The following SUMF1 variants were observed in gnomAD, a reference collection of about 807,000 sequenced individuals.
The protein encoded by SUMF1 is formylglycine-generating enzyme.
SUMF1 carries 48 observed loss-of-function variants against 47.6 expected under a neutral mutation model. The observed-to-expected ratio is 1.01, with a 90% CI of 0.80 to 1.28. The LOEUF is 1.28. Ranked by LOEUF, SUMF1 falls within the 50% of genes most tolerant of loss-of-function variation. The pLI is 0.00. For synonymous variants in SUMF1, 230 were observed against 192.1 expected (o/e 1.20, Z -1.63); for missense variants, 571 against 485.4 (o/e 1.18, Z -1.66).
At chr3:4,078,250 T>C (rs966152204) in intron 8 of SUMF1, among the ~76,000 whole-genome samples, 4 of 152,036 alleles carry the variant, frequency 2.6e-5, no homozygotes, top group Admixed American at 1.3e-4. Context: ...CAGATGGAAA[T>C]GGGGCTGGCT....
At chr3:4,089,117 A>C (rs1692731028) in intron 8 of SUMF1, among the ~76,000 whole-genome samples, 1 of 152,118 alleles carries the variant, frequency 6.6e-6, no homozygotes. Context: ...TGAAGTGCAG[A>C]TTATGTATAA....
chr3:4,440,590 AG>A (rs1413366414), intron 3 of SUMF1, among the ~76,000 whole-genome samples: 2 of 152,222 alleles, frequency 1.3e-5, no homozygotes, highest in Non-Finnish European at 2.9e-5. Flanking sequence ...GTCCCAGTCC[AG>A]TGTCATCCAA....
intron 8 of SUMF1, among the ~76,000 whole-genome samples, chr3:4,296,363 T>A (rs7618101): frequency 0.016 from 2,475 of 151,178 alleles, 73 homozygotes; most frequent in African/African-American, 0.057. Flanking sequence ...ATAAAGATCA[T>A]ATAACTTCTA....
chr3:4,097,790 C>T (rs1246826175), intron 8 of SUMF1, among the ~76,000 whole-genome samples: 1 of 152,106 alleles, frequency 6.6e-6, no homozygotes, highest in East Asian at 1.9e-4. Flanking sequence ...AGAGTTCTTT[C>T]AAGAGTACCA....
At chr3:4,339,535 C>G (rs1575110621) in intron 8 of SUMF1, among the ~76,000 whole-genome samples, 1 of 151,872 alleles carries the variant, frequency 6.6e-6, no homozygotes, top group East Asian at 1.9e-4. Flanking sequence ...CGGACAGGGT[C>G]TTTAGATTTC....
At chr3:4,177,672 C>G (rs1157000684) in intron 8 of SUMF1, among the ~76,000 whole-genome samples, 2 of 151,870 alleles carry the variant, frequency 1.3e-5, no homozygotes, top group Non-Finnish European at 2.9e-5. Flanking sequence ...TAGCAGAAGA[C>G]AAGAAATAAC....
Position 4,110,239 on chromosome 3 carries a change from G to T in SUMF1, c.1015-41494C>A, listed in dbSNP as rs190491081. Among the ~76,000 whole-genome samples the T allele has an allele frequency of 9.2e-4, 140 of 152,220 alleles. 1 individual carries two copies. Among genetic ancestry groups the T allele is most frequent in the African/African-American group, 3.0e-3 (126 of 41,502 alleles). On this transcript the variant is annotated intron_variant and NMD_transcript_variant, in intron 8 of 12. Coordinates refer to the SUMF1 transcript ENST00000448413. ...CAGCAGCGGAGGCTGCAGAACAGCGGATATTGGTGAACAGCAGATGTTGCT... is the reference window on the plus strand; with the variant it reads ...CAGCAGCGGAGGCTGCAGAACAGCGTATATTGGTGAACAGCAGATGTTGCT...
At chr3:4,241,926 T>G (rs956742646) in intron 8 of SUMF1, among the ~76,000 whole-genome samples, 10 of 152,148 alleles carry the variant, frequency 6.6e-5, no homozygotes, top group African/African-American at 2.4e-4. Flanking sequence ...ACAGGGAAGT[T>G]GACTACGTCA....
At chr3:4,369,649 G>C (rs1410704041) in intron 8 of SUMF1, among the ~76,000 whole-genome samples, 1 of 152,176 alleles carries the variant, frequency 6.6e-6, no homozygotes, top group Non-Finnish European at 1.5e-5. Context: ...GATCATGGCA[G>C]TGGTCCTCGG....
intron 7 of SUMF1, among the ~76,000 whole-genome samples, chr3:4,389,067 C>A (rs576806121): frequency 6.6e-6 from 1 of 152,028 alleles, no homozygotes; most frequent in Non-Finnish European, 1.5e-5. Context: ...CCTTCCAGTC[C>A]GATATTCAAA....
intron 4 of SUMF1, among the ~76,000 whole-genome samples, chr3:4,419,067 A>G (rs1701809771): frequency 6.6e-6 from 1 of 152,248 alleles, no homozygotes; most frequent in Non-Finnish European, 1.5e-5. Context: ...CACAGACAAC[A>G]GAGGTACTCT....
chr3:4,149,306 C>T (rs917281077), intron 8 of SUMF1, among the ~76,000 whole-genome samples: 2 of 152,048 alleles, frequency 1.3e-5, no homozygotes, highest in African/African-American at 4.8e-5. Context: ...CATTTACAGC[C>T]CCATAATGGA....
intron 8 of SUMF1, among the ~76,000 whole-genome samples, chr3:4,337,650 C>T (rs1699182755): frequency 6.6e-6 from 1 of 152,206 alleles, no homozygotes; most frequent in African/African-American, 2.4e-5. Flanking sequence ...CTTGCCACTA[C>T]ATCAAAGCAT....
At chr3:4,222,006 A>T (rs1010817861) in intron 8 of SUMF1, among the ~76,000 whole-genome samples, 8 of 152,048 alleles carry the variant, frequency 5.3e-5, no homozygotes, top group Admixed American at 1.3e-4. Context: ...ATTGTAAAAA[A>T]ATTTATGCTT....
intron 1 of SUMF1, among the ~76,000 whole-genome samples, chr3:4,464,431 TGAGAGA>T (rs376795994): frequency 6.6e-6 from 1 of 151,016 alleles, no homozygotes; most frequent in Non-Finnish European, 1.5e-5. Context: ...TGTGTGTGTG[TGAGAGA>T]GAGAGAAACA....
intron 8 of SUMF1, among the ~76,000 whole-genome samples, chr3:4,305,210 C>T (rs943160528): frequency 6.6e-6 from 1 of 152,078 alleles, no homozygotes; most frequent in East Asian, 1.9e-4. Flanking sequence ...CTCAGCTTCC[C>T]GAGTAGCTGG....
chr3:4,272,150 G>A (rs553890395), intron 8 of SUMF1, among the ~76,000 whole-genome samples: 8 of 152,260 alleles, frequency 5.3e-5, no homozygotes, highest in Admixed American at 1.3e-4. Context: ...ACTTAATAAG[G>A]CAAGTGTAAA....
At chr3:4,223,977 T>C (rs981920090) in intron 8 of SUMF1, among the ~76,000 whole-genome samples, 1 of 151,858 alleles carries the variant, frequency 6.6e-6, no homozygotes, top group Admixed American at 6.6e-5. Flanking sequence ...AACAGTCCAA[T>C]AGACAACAGC....
intron 8 of SUMF1, among the ~76,000 whole-genome samples, chr3:4,247,967 A>G (rs1259282887): frequency 6.6e-6 from 1 of 152,242 alleles, no homozygotes. Flanking sequence ...TTTTCAAACT[A>G]CTTTGCAAAG....
Sources: gnomAD v4.1 joint callset for allele counts (sites outside exome capture counted in the v4.1 genomes callset) on GRCh38, gnomAD v4.1.1 for gene constraint, MANE v1.5 for transcripts, NCBI Gene and HGNC (gene_info 2026-07-23, HGNC 2026-07-21) for gene names.